LRP1B: variants seen among roughly 807,000 people sequenced by gnomAD.
LRP1B encodes the protein low-density lipoprotein receptor-related protein 1B.
In LRP1B, 217 loss-of-function variants were observed where a neutral mutation model predicts 556.6. That is an observed-to-expected ratio of 0.39 (90% CI 0.35 to 0.44). The LOEUF is 0.44. Among genes scored for constraint, LRP1B ranks in the 20% least tolerant of loss-of-function variants. The pLI is 1.00. For missense variants in LRP1B, 5,053 were observed against 5,620.8 expected (o/e 0.90, Z 3.23); for synonymous variants, 2,047 against 1,865.8 (o/e 1.10, Z -2.50).
At chr2:142,047,764 C>T (rs1704311454) in intron 1 of LRP1B, among the ~76,000 whole-genome samples, 1 of 151,876 alleles carries the variant, frequency 6.6e-6, no homozygotes, top group Admixed American at 6.6e-5. Flanking sequence ...CTGGGAGATG[C>T]TCTGTTTTGC....
intron 84 of LRP1B, among the ~76,000 whole-genome samples, chr2:140,291,081 C>T (rs1308986831): frequency 3.3e-5 from 5 of 151,540 alleles, no homozygotes; most frequent in Non-Finnish European, 5.9e-5. Flanking sequence ...AGCAACGTCT[C>T]CGGGATGAAA....
chr2:141,243,665 A>G (rs1683963315), intron 5 of LRP1B, among the ~76,000 whole-genome samples: 2 of 152,170 alleles, frequency 1.3e-5, no homozygotes, highest in Admixed American at 1.3e-4. Context: ...TCTTTTGGAA[A>G]TTACTTTTTT....
At chr2:141,146,725 G>A (rs1701792829) in intron 7 of LRP1B, among the ~76,000 whole-genome samples, 1 of 152,148 alleles carries the variant, frequency 6.6e-6, no homozygotes, top group African/African-American at 2.4e-5. Context: ...GCAGCAATAT[G>A]ATATTAACGC....
intron 2 of LRP1B, among the ~76,000 whole-genome samples, chr2:141,613,906 C>G (rs1688197140): frequency 6.6e-6 from 1 of 151,440 alleles, no homozygotes; most frequent in Non-Finnish European, 1.5e-5. Flanking sequence ...AACCTGATCT[C>G]TACTAAAAAT....
At chr2:141,319,307 G>GTTTTTTTTTTTTTTTTTTTTT (rs1370500448) in intron 3 of LRP1B, among the ~76,000 whole-genome samples, 3 of 88,786 alleles carry the variant, frequency 3.4e-5, no homozygotes, top group African/African-American at 1.4e-4. Context: ...GTGTTTTTTT[G>GTTTTTTTTTTTTTTTTTTTTT]TTGTTTTTTT....
At chr2:140,475,708 G>T (rs1361986799) in intron 59 of LRP1B, among the ~76,000 whole-genome samples, 2 of 151,292 alleles carry the variant, frequency 1.3e-5, no homozygotes, top group African/African-American at 4.9e-5. Context: ...TTCTCTTTTG[G>T]TGTGTTATCT....
chr2:141,525,235 C>T (rs2105181246), intron 2 of LRP1B, among the ~76,000 whole-genome samples: 1 of 152,040 alleles, frequency 6.6e-6, no homozygotes, highest in African/African-American at 2.4e-5. Context: ...GGAAGTCTTC[C>T]TAATAAAGGG....
At chr2:140,712,142 A>T (rs1687050991) in intron 37 of LRP1B, among the ~76,000 whole-genome samples, 1 of 152,046 alleles carries the variant, frequency 6.6e-6, no homozygotes, top group South Asian at 2.1e-4. Context: ...TTCTCCCACA[A>T]GTGCTGAAAG....
chr2:141,068,936 G>T (rs1271227754), intron 7 of LRP1B, among the ~76,000 whole-genome samples: 1 of 151,900 alleles, frequency 6.6e-6, no homozygotes, highest in Non-Finnish European at 1.5e-5. Flanking sequence ...GAATCAAAAC[G>T]ATATTTATGA....
chr2:141,055,898 G>A (rs1327856413), intron 9 of LRP1B, among the ~76,000 whole-genome samples: 1 of 150,758 alleles, frequency 6.6e-6, no homozygotes. Flanking sequence ...AGAATATTTT[G>A]TGAGCATAAA....
At chr2:141,820,446 T>C (rs967625825) in intron 1 of LRP1B, among the ~76,000 whole-genome samples, 1 of 152,148 alleles carries the variant, frequency 6.6e-6, no homozygotes, top group Non-Finnish European at 1.5e-5. Context: ...ACAAAATGGG[T>C]GGCTTATTGA....
At chr2:141,319,900 C>A (rs968665334) in intron 3 of LRP1B, among the ~76,000 whole-genome samples, 2 of 152,018 alleles carry the variant, frequency 1.3e-5, no homozygotes, top group South Asian at 2.1e-4. Context: ...AGATTTTTAA[C>A]CTTAATATGA....
chr2:140,441,245 T>C (rs529507554), intron 66 of LRP1B, among the ~76,000 whole-genome samples: 1 of 152,240 alleles, frequency 6.6e-6, no homozygotes, highest in South Asian at 2.1e-4. Flanking sequence ...AGTCCAGAAA[T>C]TGTTCAGAGT....
At chr2:140,906,700 T>G (rs1694264048) in intron 22 of LRP1B, among the ~76,000 whole-genome samples, 1 of 152,076 alleles carries the variant, frequency 6.6e-6, no homozygotes, top group Non-Finnish European at 1.5e-5. Flanking sequence ...AATAATTTCT[T>G]TTAGAATTGT....
intron 1 of LRP1B, among the ~76,000 whole-genome samples, chr2:142,118,033 C>T (rs759280602): frequency 1.3e-5 from 2 of 152,126 alleles, no homozygotes; most frequent in Non-Finnish European, 2.9e-5. Flanking sequence ...ACAGTCAACC[C>T]TATTTCTCTC....
chr2:140,546,835 C>G (rs866142568), intron 43 of LRP1B, among the ~76,000 whole-genome samples: 10 of 152,158 alleles, frequency 6.6e-5, no homozygotes, highest in Middle Eastern at 3.4e-3. Flanking sequence ...GAGATATGTT[C>G]CTTTAATACC....
intron 2 of LRP1B, among the ~76,000 whole-genome samples, chr2:141,614,956 T>C (rs1325905234): frequency 6.6e-6 from 1 of 152,164 alleles, no homozygotes; most frequent in African/African-American, 2.4e-5. Context: ...GGCTTTGGAA[T>C]TGGGTAATGG....
rs753354241 is a variant in LRP1B, at chr2:140,868,313, T to C, written c.4170-50A>G. 12 of 1,479,956 alleles carry C rather than the reference T, an allele frequency of 8.1e-6. No individual in the cohort carries two copies. In the Admixed American group the frequency reaches 2.3e-4, roughly 28 times the overall value. The allele number at this position is 1,479,956 out of a possible 1,614,324, so 91.7% of individuals were successfully genotyped here. On this transcript the variant is annotated intron_variant, in intron 25 of 90. Coordinates refer to ENST00000389484, the MANE Select transcript of LRP1B (RefSeq NM_018557.3). ...ATAATACTATTGTTTCAGTCATTCA[T>C]TTCACAGATATTTATTGAGTGCCTA...
intron 3 of LRP1B, among the ~76,000 whole-genome samples, chr2:141,427,163 AGCAACTTAG>A (rs1680398494): frequency 6.6e-6 from 1 of 152,200 alleles, no homozygotes. Flanking sequence ...CTCAACCAAA[AGCAACTTAG>A]GCATTAAAAT....
Sources: allele counts gnomAD v4.1 joint callset (sites outside exome capture counted in the v4.1 genomes callset), GRCh38; gene constraint gnomAD v4.1.1; transcripts MANE v1.5; gene names NCBI Gene and HGNC (gene_info 2026-07-23, HGNC 2026-07-21).